Variants in CADPS2 observed in about 807,000 individuals in gnomAD.
CADPS2 encodes calcium-dependent secretion activator 2.
Under a neutral mutation model 172.5 loss-of-function variants are expected in CADPS2, and 93 were observed. That is an observed-to-expected ratio of 0.54 (90% confidence interval 0.46 to 0.64). CADPS2 has a LOEUF of 0.64. Ranked by LOEUF, CADPS2 falls within the 30% of genes least tolerant of loss-of-function variation. The pLI, the probability that CADPS2 is intolerant of heterozygous loss-of-function variation, is 0.00. For synonymous variants in CADPS2, 546 were observed against 555.2 expected (o/e 0.98, Z 0.23); for missense variants, 1,420 against 1,565.9 (o/e 0.91, Z 1.57).
rs576149862 is a variant in CADPS2, at chr7:122,474,695, A to C, written c.1862-178T>G. On this transcript the variant is annotated intron_variant, in intron 12 of 29. Coordinates refer to ENST00000449022, the MANE Select transcript of CADPS2 (RefSeq NM_017954.11). The stretch of plus-strand genomic sequence containing the variant: ...ATTGCAAACTTTATGAAGCCTAAGT[A>C]AAAACAACAGCAAAAAATCTACAAA... 4.6e-5 allele frequency among the ~76,000 whole-genome samples: 7 copies of C among 152,220 alleles called. No individual in the cohort carries two copies. The South Asian group carries it at 1.5e-3, about 32-fold the overall frequency.
In CADPS2 at chr7:122,644,119, C is replaced by G. The variant is rs1052272494; in HGVS notation, c.787-14791G>C. Reference sequence around the variant, plus strand: ...ATGAAGGAAGGAAGGAAGGAAGGAACAAACGAAGGAAAAGAATATAAGACT... The same window carrying G: ...ATGAAGGAAGGAAGGAAGGAAGGAAGAAACGAAGGAAAAGAATATAAGACT... On this transcript the variant is annotated intron_variant, in intron 3 of 29. Transcript: ENST00000449022. Among the ~76,000 whole-genome samples, 12 of 149,596 alleles carry G rather than the reference C, an allele frequency of 8.0e-5. No homozygotes were observed. The East Asian group carries it at 2.3e-3, about 29-fold the overall frequency.
chr7:122,320,370 A>C, intron 29 of CADPS2, 32 bp from the exon 30 acceptor site: 1 of 1,560,460 alleles, frequency 6.4e-7, no homozygotes, highest in Non-Finnish European at 8.7e-7. Flanking sequence ...TGCTTAGCTC[A>C]CTTAGATTAT....
At position 122,605,821 on chromosome 7, in the gene CADPS2, G is replaced by A. The variant is rs570373104; in HGVS notation, c.1223+9360C>T. Among the ~76,000 whole-genome samples, 10 of 152,148 alleles carry A rather than the reference G, an allele frequency of 6.6e-5. No individual in the cohort carries two copies. The East Asian group carries it at 1.9e-3, about 29-fold the overall frequency. ...GATATGCATCTCAATGAAATGGATA[G>A]TGCTATTTCTTCCAATTAGTTCATG... On this transcript the variant is annotated intron_variant, in intron 6 of 29. Transcript: ENST00000449022.
At chr7:122,864,723 T>C (rs1345490348) in intron 1 of CADPS2, among the ~76,000 whole-genome samples, 1 of 152,200 alleles carries the variant, frequency 6.6e-6, no homozygotes, top group Non-Finnish European at 1.5e-5. Flanking sequence ...GAGATATGTA[T>C]ACTATTTAAA....
At chr7:122,572,799 T>G (rs1322066058) in intron 7 of CADPS2, among the ~76,000 whole-genome samples, 1 of 152,170 alleles carries the variant, frequency 6.6e-6, no homozygotes. Flanking sequence ...GTTTACCTGC[T>G]AGGACATAAT....
At chr7:122,792,202 C>T (rs1292903929) in intron 1 of CADPS2, among the ~76,000 whole-genome samples, 1 of 152,166 alleles carries the variant, frequency 6.6e-6, no homozygotes, top group Non-Finnish European at 1.5e-5. Context: ...AAACTCCCTG[C>T]TATGGTCTGA....
chr7:122,584,132 A>G (rs1461295175), intron 6 of CADPS2, among the ~76,000 whole-genome samples: 1 of 151,902 alleles, frequency 6.6e-6, no homozygotes, highest in African/African-American at 2.4e-5. Context: ...GTTTTATTGC[A>G]TAAGTTGAAA....
At chr7:122,737,104 C>T in intron 1 of CADPS2, 36 bp from the exon 2 acceptor site, 8 of 1,085,198 alleles carry the variant, frequency 7.4e-6, no homozygotes, top group Middle Eastern at 2.0e-4. Flanking sequence ...GATAAATTGG[C>T]CAGTACATGA....
At chr7:122,341,131 T>C (rs1208136981) in intron 28 of CADPS2, among the ~76,000 whole-genome samples, 1 of 152,204 alleles carries the variant, frequency 6.6e-6, no homozygotes, top group African/African-American at 2.4e-5. Flanking sequence ...AATATACATA[T>C]TGCAACTTTT....
intron 3 of CADPS2, among the ~76,000 whole-genome samples, chr7:122,661,151 TA>T (rs1287722545): frequency 6.6e-6 from 1 of 152,084 alleles, no homozygotes. Flanking sequence ...CAATAAAACA[TA>T]ACAATCCTAC....
chr7:122,760,697 CAAA>C (rs2093349097), intron 1 of CADPS2, among the ~76,000 whole-genome samples: 1 of 151,340 alleles, frequency 6.6e-6, no homozygotes, highest in African/African-American at 2.4e-5. Flanking sequence ...TTATTCTCAG[CAAA>C]CTATCGCAAG....
chr7:122,588,791 C>G (rs1222850857), intron 6 of CADPS2, among the ~76,000 whole-genome samples: 3 of 151,818 alleles, frequency 2.0e-5, no homozygotes, highest in Non-Finnish European at 2.9e-5. Flanking sequence ...TGAGTAAGGA[C>G]TGTGTTATTT....
chr7:122,334,002 A>G (rs1246851760), intron 28 of CADPS2, among the ~76,000 whole-genome samples: 1 of 152,058 alleles, frequency 6.6e-6, no homozygotes, highest in Admixed American at 6.6e-5. Flanking sequence ...TATTTCCTTA[A>G]CAGAAAAATA....
chr7:122,464,228 T>C (rs2054846944), intron 14 of CADPS2, among the ~76,000 whole-genome samples: 1 of 152,122 alleles, frequency 6.6e-6, no homozygotes, highest in African/African-American at 2.4e-5. Flanking sequence ...GAGTGGGGCA[T>C]ATCAAAGGGA....
At chr7:122,476,441 AAT>A (rs1315475052) in intron 12 of CADPS2, among the ~76,000 whole-genome samples, 1 of 152,136 alleles carries the variant, frequency 6.6e-6, no homozygotes, top group African/African-American at 2.4e-5. Flanking sequence ...TTAAATAAAA[AAT>A]GTTTCTGAAA....
chr7:122,524,891 A>C (rs1350916738), intron 8 of CADPS2, among the ~76,000 whole-genome samples: 1 of 152,148 alleles, frequency 6.6e-6, no homozygotes, highest in African/African-American at 2.4e-5. Context: ...GTTCACGCCT[A>C]TAATCCCAGC....
intron 7 of CADPS2, among the ~76,000 whole-genome samples, chr7:122,578,017 G>A (rs1027391161): frequency 6.6e-6 from 1 of 151,058 alleles, no homozygotes; most frequent in African/African-American, 2.4e-5. Flanking sequence ...GATCATGTAA[G>A]GTTTTTTCTT....
chr7:122,530,550 T>C (rs2061671413), intron 8 of CADPS2, among the ~76,000 whole-genome samples: 1 of 152,150 alleles, frequency 6.6e-6, no homozygotes, highest in African/African-American at 2.4e-5. Context: ...ATTCTAAGTA[T>C]TGTGCTTTAT....
At chr7:122,809,194 G>T (rs1006038405) in intron 1 of CADPS2, among the ~76,000 whole-genome samples, 5 of 152,084 alleles carry the variant, frequency 3.3e-5, no homozygotes, top group African/African-American at 4.8e-5. Flanking sequence ...TATGGCAAGG[G>T]TCTAAGACAA....
Sources: allele counts gnomAD v4.1 joint callset (sites outside exome capture counted in the v4.1 genomes callset), GRCh38; gene constraint gnomAD v4.1.1; transcripts MANE v1.5; gene names NCBI Gene and HGNC (gene_info 2026-07-23, HGNC 2026-07-21).